The following TJP2 variants were observed in gnomAD, a reference collection of about 807,000 sequenced individuals.
TJP2 encodes the protein tight junction protein 2.
Under a neutral mutation model 133.1 loss-of-function variants are expected in TJP2, and 91 were observed. The observed-to-expected ratio is 0.68, with a 90% CI of 0.58 to 0.81. TJP2 has a LOEUF of 0.81. Ranked by LOEUF, TJP2 falls within the 40% of genes least tolerant of loss-of-function variation. The pLI, the probability that TJP2 is intolerant of heterozygous loss-of-function variation, is 0.00. For missense variants in TJP2, 1,541 were observed against 1,565.6 expected, an observed-to-expected ratio of 0.98 and a Z score of 0.26; for synonymous variants, 592 against 583.4, an observed-to-expected ratio of 1.01 and a Z score of -0.21.
intron 4 of TJP2, among the ~76,000 whole-genome samples, chr9:69,219,037 T>C (rs1212354428): frequency 1.3e-5 from 2 of 152,022 alleles, no homozygotes; most frequent in Non-Finnish European, 2.9e-5. Flanking sequence ...TGGCACGATC[T>C]TGGCTGACCA....
Position 69,248,147 on chromosome 9 carries a change from A to C in TJP2, c.2803A>C (p.Asn935His). 1.9e-6 allele frequency: 3 copies of C among 1,614,112 alleles called. No homozygotes were observed. The highest frequency in any genetic ancestry group is 2.5e-6 in the Non-Finnish European group (3 of 1,180,010). ...TDGEGGAYTD[N>H]ELDEPAEEPL... ...CGGTGAAGGAGGCGCCTACACTGAC[A>C]ATGAGCTGGATGAGCCAGCCGAGGA... Residue 935 changes from asparagine to histidine, a missense_variant, in exon 19 of 23, where the codon AAT becomes CAT. Transcript: ENST00000377245.
At chr9:69,168,859 AG>A (rs1239353695) in intron 2 of TJP2, among the ~76,000 whole-genome samples, 1 of 149,826 alleles carries the variant, frequency 6.7e-6, no homozygotes, top group Non-Finnish European at 1.5e-5. Flanking sequence ...TGAAAGCATA[AG>A]GGGGAAGCAG....
At chr9:69,237,795 CA>C in intron 14 of TJP2, 82 bp from the exon 15 acceptor site, 1 of 989,592 alleles carries the variant, frequency 1.0e-6, no homozygotes, top group Admixed American at 1.8e-5. Context: ...GTTATGTTAT[CA>C]AAAGCCCATA....
intron 1 of TJP2, among the ~76,000 whole-genome samples, chr9:69,147,511 G>C (rs909214442): frequency 6.6e-6 from 1 of 152,220 alleles, no homozygotes; most frequent in East Asian, 1.9e-4. Context: ...GAGTCATCCT[G>C]ATCAAGGGCC....
intron 1 of TJP2, among the ~76,000 whole-genome samples, chr9:69,132,104 A>C (rs1056123276): frequency 6.6e-6 from 1 of 152,204 alleles, no homozygotes; most frequent in Non-Finnish European, 1.5e-5. Context: ...ACACATGTGA[A>C]ATGTTATCAA....
Position 69,254,219 on chromosome 9 carries a change from C to G in TJP2, c.3418C>G (p.Pro1140Ala), listed in dbSNP as rs1831544664. ...CCCTTTTTTTGTTAGTTCCAGACCC[C>G]CTGAGCCACAGAAAGCTCCTTCCAG... ...GTPQHTSSRP[P>A]EPQKAPSRPY... is the part of the protein sequence containing the mutation. The change falls in exon 23 of 23, where the codon CCT becomes GCT. Residue 1140 changes from proline (P) to alanine (A), a missense_variant. Coordinates refer to ENST00000377245, the MANE Select transcript of TJP2 (RefSeq NM_004817.4). The G allele has an allele frequency of 1.2e-6, 2 of 1,614,184 alleles. No individual in the cohort carries two copies. The highest frequency in any genetic ancestry group is 2.7e-5 in the African/African-American group (2 of 75,042).
At chr9:69,205,342 G>A (rs1177906682) in intron 1 of TJP2, 1 of 1,509,510 alleles carries the variant, frequency 6.6e-7, no homozygotes, top group South Asian at 1.3e-5. Context: ...AGATTGATTT[G>A]TGCTTCTGGC....
intron 12 of TJP2, among the ~76,000 whole-genome samples, chr9:69,235,543 C>T (rs532362799): frequency 1.3e-5 from 2 of 152,032 alleles, no homozygotes; most frequent in East Asian, 1.9e-4. Flanking sequence ...AGGATGGTCT[C>T]GATCTCCTGA....
chr9:69,172,210 G>A (rs1440898278), upstream of TJP2, among the ~76,000 whole-genome samples: 3 of 152,178 alleles, frequency 2.0e-5, no homozygotes, highest in Admixed American at 2.0e-4. Context: ...GATTTACACT[G>A]CCACCAGCAA....
At position 69,248,145 on chromosome 9, in the gene TJP2, A is replaced by C. The variant is rs1250987606; in HGVS notation, c.2801A>C (p.Asp934Ala). 6.2e-7 allele frequency: 1 copy of C among 1,614,034 alleles called. No individual in the cohort carries two copies. The highest frequency in any genetic ancestry group is 1.7e-5 in the Admixed American group (1 of 60,006). Residue 934 changes from aspartate (D) to alanine (A), a missense_variant, in exon 19 of 23, where the codon GAC becomes GCC. Coordinates refer to ENST00000377245, the MANE Select transcript of TJP2 (RefSeq NM_004817.4). Reference sequence around the variant, plus strand: ...GACGGTGAAGGAGGCGCCTACACTGACAATGAGCTGGATGAGCCAGCCGAG... The same window carrying C: ...GACGGTGAAGGAGGCGCCTACACTGCCAATGAGCTGGATGAGCCAGCCGAG... ...DTDGEGGAYT[D>A]NELDEPAEEP...
At chr9:69,242,029 G>T (rs1426943535) in intron 17 of TJP2, among the ~76,000 whole-genome samples, 1 of 152,234 alleles carries the variant, frequency 6.6e-6, no homozygotes, top group African/African-American at 2.4e-5. Context: ...TTCCCTCAGA[G>T]AGTTAAATTT....
intron 2 of TJP2, among the ~76,000 whole-genome samples, chr9:69,213,157 G>A (rs142138948): frequency 0.034 from 5,042 of 148,086 alleles, 214 homozygotes; most frequent in African/African-American, 0.1. Flanking sequence ...TCCGCCTCCC[G>A]GGTTCAAGCA....
chr9:69,222,260 T>C (rs1828941273), intron 5 of TJP2, among the ~76,000 whole-genome samples: 1 of 151,260 alleles, frequency 6.6e-6, no homozygotes, highest in Non-Finnish European at 1.5e-5. Flanking sequence ...CACTGCAACC[T>C]CTGCCTCCTG....
intron 1 of TJP2, among the ~76,000 whole-genome samples, chr9:69,130,624 T>A (rs1179352300): frequency 6.6e-6 from 1 of 152,070 alleles, no homozygotes; most frequent in Non-Finnish European, 1.5e-5. Flanking sequence ...GGAACTTGCA[T>A]GACGGAAGGG....
chr9:69,161,048 A>G (rs890705423), intron 2 of TJP2, among the ~76,000 whole-genome samples: 5 of 152,208 alleles, frequency 3.3e-5, no homozygotes, highest in East Asian at 1.9e-4. Flanking sequence ...CTGGAACCCT[A>G]TGCTTGCAGT....
intron 1 of TJP2, among the ~76,000 whole-genome samples, chr9:69,184,752 CTTTTTTTTTT>C (rs564424748): frequency 7.9e-6 from 1 of 125,860 alleles, no homozygotes; most frequent in Non-Finnish European, 1.6e-5. Context: ...TCTCTCTCTT[CTTTTTTTTTT>C]TTTTTTTTGA....
chr9:69,135,147 T>C (rs1193314689), intron 1 of TJP2, among the ~76,000 whole-genome samples: 1 of 152,096 alleles, frequency 6.6e-6, no homozygotes, highest in African/African-American at 2.4e-5. Context: ...CATATGAATT[T>C]TGGGGAGATA....
intron 2 of TJP2, among the ~76,000 whole-genome samples, chr9:69,155,459 G>A (rs1823707402): frequency 6.6e-6 from 1 of 152,254 alleles, no homozygotes; most frequent in Admixed American, 6.5e-5. Context: ...TGGAGGGCGT[G>A]TTAAAACACG....
chr9:69,129,244 C>T (rs1822384445), intron 1 of TJP2, among the ~76,000 whole-genome samples: 1 of 152,182 alleles, frequency 6.6e-6, no homozygotes, highest in African/African-American at 2.4e-5. Flanking sequence ...TCTGTCAGGG[C>T]CAGATGAGGT....
Sources: gnomAD v4.1 joint callset for allele counts (sites outside exome capture counted in the v4.1 genomes callset) on GRCh38, gnomAD v4.1.1 for gene constraint, MANE v1.5 for transcripts, NCBI Gene and HGNC (gene_info 2026-07-23, HGNC 2026-07-21) for gene names.